FRMPD4: variants seen among roughly 807,000 people sequenced by gnomAD.
FRMPD4 encodes FERM and PDZ domain-containing protein 4.
In FRMPD4, 22 loss-of-function variants were observed where a neutral mutation model predicts 94.1. That is an observed-to-expected ratio of 0.23 (90% CI 0.17 to 0.33). FRMPD4 has a LOEUF of 0.33. FRMPD4 is among the 10% of genes least tolerant of loss of function. FRMPD4 has a pLI of 1.00. For missense variants in FRMPD4, 1,111 were observed against 1,339.9 expected (o/e 0.83, Z 2.67); for synonymous variants, 631 against 548.6 (o/e 1.15, Z -2.10).
At chrX:12,614,740 A>T in intron 3 of FRMPD4, 39 bp from the exon 4 acceptor site, 1 of 717,896 alleles carries the variant, frequency 1.4e-6, no homozygotes. Context: ...TAGGTTGCTA[A>T]TGGTCTTCTC....
intron 1 of FRMPD4, among the ~76,000 whole-genome samples, chrX:12,416,906 T>A (rs1412026340): frequency 9.0e-6 from 1 of 111,721 alleles, no homozygotes; most frequent in African/African-American, 3.3e-5. Flanking sequence ...AGAAAAAAAA[T>A]TTTAGAAGGT....
chrX:12,183,407 C>T (rs2056385529), intron 1 of FRMPD4, among the ~76,000 whole-genome samples: 1 of 112,267 alleles, frequency 8.9e-6, no homozygotes, highest in South Asian at 3.6e-4. Context: ...ACAAAGCATA[C>T]ATTTACATTC....
intron 3 of FRMPD4, among the ~76,000 whole-genome samples, chrX:12,016,046 C>T (rs181011025): frequency 3.6e-5 from 4 of 112,200 alleles, no homozygotes; most frequent in East Asian, 2.8e-4. Flanking sequence ...AAAGAAGGAA[C>T]GATAGGAAAA....
chrX:11,976,201 T>G (rs1450907586), intron 3 of FRMPD4, among the ~76,000 whole-genome samples: 1 of 111,854 alleles, frequency 8.9e-6, no homozygotes, highest in East Asian at 2.8e-4. Context: ...CTTCTCAAGC[T>G]ATTTTCTGGC....
chrX:11,890,473 T>G (rs1484391747), intron 3 of FRMPD4, among the ~76,000 whole-genome samples: 2 of 112,358 alleles, frequency 1.8e-5, no homozygotes, highest in African/African-American at 3.2e-5. Flanking sequence ...GAAGATTGTT[T>G]TGTAGTCAGG....
chrX:11,943,359 C>A (rs2054172188), intron 3 of FRMPD4, among the ~76,000 whole-genome samples: 1 of 111,402 alleles, frequency 9.0e-6, no homozygotes, highest in Non-Finnish European at 1.9e-5. Flanking sequence ...GCATTTACTC[C>A]ATACTATTTA....
chrX:11,921,166 G>T (rs947515356), intron 3 of FRMPD4, among the ~76,000 whole-genome samples: 1 of 112,222 alleles, frequency 8.9e-6, no homozygotes, highest in African/African-American at 3.2e-5. Flanking sequence ...ACCACAGACT[G>T]CATGGCTTAA....
rs1018680494 is a variant in FRMPD4, at chrX:12,431,246, G to A, written c.42-67434G>A. Among the ~76,000 whole-genome samples, 14 of 112,512 alleles carry A rather than the reference G, an allele frequency of 1.2e-4. 1 individual carries two copies. Among genetic ancestry groups the A allele is most frequent in the African/African-American group, 4.5e-4 (14 of 30,979 alleles). On this transcript the variant is annotated intron_variant, in intron 1 of 16. Coordinates refer to ENST00000675598, the MANE Select transcript of FRMPD4 (RefSeq NM_001368397.1). The stretch of plus-strand genomic sequence containing the variant: ...GAAATCATTATAATCAAAATGCAAT[G>A]CATCCCCTATGAATATCTATGGATC...
At chrX:12,329,199 C>A (rs1250124049) in intron 1 of FRMPD4, among the ~76,000 whole-genome samples, 1 of 112,008 alleles carries the variant, frequency 8.9e-6, no homozygotes, top group African/African-American at 3.2e-5. Context: ...TCTAAGCAGC[C>A]TTCCTTCCTT....
intron 16 of FRMPD4, among the ~76,000 whole-genome samples, chrX:12,719,861 A>G (rs1451990480): frequency 9.0e-6 from 1 of 110,962 alleles, no homozygotes; most frequent in African/African-American, 3.3e-5. Context: ...AAAAAAAAAA[A>G]TGTTGAACAA....
intron 2 of FRMPD4, among the ~76,000 whole-genome samples, chrX:12,534,973 T>A (rs1339407386): frequency 9.0e-6 from 1 of 111,588 alleles, no homozygotes; most frequent in African/African-American, 3.3e-5. Context: ...ATGGTTTGGC[T>A]GTGTCCCCAC....
chrX:12,341,736 T>G, intron 1 of FRMPD4: 2 of 261,837 alleles, frequency 7.6e-6, no homozygotes, highest in South Asian at 4.2e-5. Context: ...GTTATGACTC[T>G]TCCACAAATT....
intron 3 of FRMPD4, among the ~76,000 whole-genome samples, chrX:11,904,957 CCTT>C (rs2053959517): frequency 1.8e-5 from 2 of 112,297 alleles, no homozygotes; most frequent in African/African-American, 6.5e-5. Flanking sequence ...GGGCATTTCC[CCTT>C]CTTCTTTGCT....
At chrX:12,289,096 T>G (rs2054647200) in intron 1 of FRMPD4, among the ~76,000 whole-genome samples, 1 of 111,824 alleles carries the variant, frequency 8.9e-6, no homozygotes, top group South Asian at 3.8e-4. Flanking sequence ...TTCTGGATCT[T>G]TCTTCCCTTC....
At chrX:12,324,418 CCTT>C (rs1255560105) in intron 1 of FRMPD4, among the ~76,000 whole-genome samples, 2 of 111,968 alleles carry the variant, frequency 1.8e-5, no homozygotes, top group Non-Finnish European at 3.8e-5. Flanking sequence ...TAGCTTCTGC[CCTT>C]CTTTGTGGGC....
intron 1 of FRMPD4, among the ~76,000 whole-genome samples, chrX:11,839,103 A>G (rs1158544945): frequency 9.0e-6 from 1 of 111,486 alleles, no homozygotes; most frequent in Non-Finnish European, 1.9e-5. Context: ...CCCCATCGGT[A>G]GTATATAAGG....
At chrX:12,260,480 T>A (rs1439440733) in intron 1 of FRMPD4, among the ~76,000 whole-genome samples, 1 of 112,230 alleles carries the variant, frequency 8.9e-6, no homozygotes, top group Admixed American at 9.4e-5. Flanking sequence ...CTTCCCCAGC[T>A]GCTAACCATA....
intron 3 of FRMPD4, among the ~76,000 whole-genome samples, chrX:11,996,278 T>G (rs758625037): frequency 8.0e-5 from 9 of 112,290 alleles, no homozygotes; most frequent in Non-Finnish European, 1.1e-4. Context: ...TTGAAATATT[T>G]GCTTCTGGAA....
chrX:12,198,024 C>A (rs1221976315), intron 1 of FRMPD4, among the ~76,000 whole-genome samples: 1 of 111,648 alleles, frequency 9.0e-6, no homozygotes, highest in Non-Finnish European at 1.9e-5. Flanking sequence ...ATTAGAATTC[C>A]AAGTCTTATT....
Sources: allele counts gnomAD v4.1 joint callset (sites outside exome capture counted in the v4.1 genomes callset), GRCh38; gene constraint gnomAD v4.1.1; transcripts MANE v1.5; gene names NCBI Gene and HGNC (gene_info 2026-07-23, HGNC 2026-07-21).